Variants in GLG1 observed in about 807,000 individuals in gnomAD.
The protein encoded by GLG1 is golgi glycoprotein 1, also known as Golgi apparatus protein 1.
In GLG1, 38 loss-of-function variants were observed where a neutral mutation model predicts 160.5. That is an observed-to-expected ratio of 0.24 (90% CI 0.18 to 0.31). The LOEUF is 0.31. GLG1 is among the 10% of genes least tolerant of loss of function. The pLI, the probability that GLG1 is intolerant of heterozygous loss-of-function variation, is 1.00. For synonymous variants in GLG1, 644 were observed against 543.4 expected, an observed-to-expected ratio of 1.19 and a Z score of -2.57; for missense variants, 1,373 against 1,505.2, an observed-to-expected ratio of 0.91 and a Z score of 1.45.
intron 2 of GLG1, among the ~76,000 whole-genome samples, chr16:74,522,323 G>A (rs2017191517): frequency 6.6e-6 from 1 of 152,190 alleles, no homozygotes; most frequent in Admixed American, 6.5e-5. Context: ...CTATGCTTTA[G>A]CTAATACTGC....
At chr16:74,472,728 A>T (rs781111098) in intron 13 of GLG1, 45 of 459,876 alleles carry the variant, frequency 9.8e-5, no homozygotes, top group Non-Finnish European at 1.6e-4. Context: ...GATTTTCCCA[A>T]AATGCTAAGT....
At chr16:74,473,455 T>TTG (rs2015282342) in intron 13 of GLG1, among the ~76,000 whole-genome samples, 1 of 148,110 alleles carries the variant, frequency 6.8e-6, no homozygotes, top group Non-Finnish European at 1.5e-5. Context: ...TTTTTTTTTT[T>TTG]GAGACATAGA....
intron 25 of GLG1, 137 bp downstream of exon 25, chr16:74,456,512 C>G: frequency 1.5e-6 from 1 of 670,126 alleles, no homozygotes; most frequent in African/African-American, 1.8e-5. Flanking sequence ...AGGACAAGAC[C>G]AGTGCGATAT....
intron 1 of GLG1, among the ~76,000 whole-genome samples, chr16:74,596,204 A>G (rs1958297961): frequency 6.6e-6 from 1 of 152,124 alleles, no homozygotes; most frequent in African/African-American, 2.4e-5. Flanking sequence ...CCTGGGCAAC[A>G]GAGCGAGACT....
chr16:74,546,801 G>T (rs1364537896), intron 1 of GLG1, among the ~76,000 whole-genome samples: 2 of 118,054 alleles, frequency 1.7e-5, no homozygotes, highest in African/African-American at 6.6e-5. Flanking sequence ...TCATGCCACT[G>T]CACTCCATCC....
chr16:74,569,574 C>T (rs2018762752), intron 1 of GLG1, among the ~76,000 whole-genome samples: 1 of 152,080 alleles, frequency 6.6e-6, no homozygotes, highest in Non-Finnish European at 1.5e-5. Context: ...CATCAAAATG[C>T]AATAGTGCCA....
At chr16:74,471,415 T>C (rs1266407588) in intron 14 of GLG1, 129 bp from the exon 15 acceptor site, 18 of 649,552 alleles carry the variant, frequency 2.8e-5, no homozygotes, top group African/African-American at 5.4e-5. Context: ...ACACCATAAA[T>C]TGTAATCAAA....
At chr16:74,549,536 T>G (rs933521874) in intron 1 of GLG1, among the ~76,000 whole-genome samples, 13 of 152,232 alleles carry the variant, frequency 8.5e-5, no homozygotes, top group Non-Finnish European at 1.8e-4. Context: ...TCCGCCCGCC[T>G]CAGCTTCCCA....
Position 74,536,646 on chromosome 16 carries a change from G to A in GLG1, c.439-4493C>T, listed in dbSNP as rs1406130372. On this transcript the variant is annotated intron_variant, in intron 1 of 25. Coordinates refer to ENST00000422840, the MANE Select transcript of GLG1 (RefSeq NM_001145667.2). The stretch of plus-strand genomic sequence containing the variant: ...AGTTACATGATCCCTTGGGGGTCAG[G>A]AAGAAAATAACAGAGCTTCTGTTTT... 4.6e-5 allele frequency among the ~76,000 whole-genome samples: 7 copies of A among 152,138 alleles called. No homozygotes were observed. The South Asian group carries it at 1.5e-3, about 32-fold the overall frequency.
At chr16:74,581,845 G>A (rs1027778289) in intron 1 of GLG1, among the ~76,000 whole-genome samples, 3 of 152,184 alleles carry the variant, frequency 2.0e-5, no homozygotes, top group African/African-American at 7.2e-5. Flanking sequence ...CTGGGAGGCA[G>A]AGGTCACAGT....
chr16:74,529,055 C>T (rs1254178173), intron 2 of GLG1, among the ~76,000 whole-genome samples: 1 of 151,676 alleles, frequency 6.6e-6, no homozygotes, highest in East Asian at 2.0e-4. Flanking sequence ...CAACCTCCAC[C>T]TCCCAGATTC....
chr16:74,518,534 T>C (rs1405890834), intron 2 of GLG1, among the ~76,000 whole-genome samples: 2 of 152,148 alleles, frequency 1.3e-5, no homozygotes, highest in African/African-American at 4.8e-5. Flanking sequence ...CCTTACACCT[T>C]ATACAAAAAT....
At chr16:74,505,364 T>C (rs1432339180) in intron 3 of GLG1, among the ~76,000 whole-genome samples, 1 of 152,230 alleles carries the variant, frequency 6.6e-6, no homozygotes, top group East Asian at 1.9e-4. Flanking sequence ...GCAGAGATTT[T>C]CAACAGTCAA....
At chr16:74,454,326 C>A (rs570057545) in intron 25 of GLG1, among the ~76,000 whole-genome samples, 1 of 152,118 alleles carries the variant, frequency 6.6e-6, no homozygotes, top group South Asian at 2.1e-4. Context: ...CTACCTCAGC[C>A]TCCTGAGTAG....
At chr16:74,463,948 G>A (rs574547951) in intron 19 of GLG1, 3 of 178,926 alleles carry the variant, frequency 1.7e-5, no homozygotes, top group Non-Finnish European at 2.4e-5. Flanking sequence ...GTAAGTAGCT[G>A]TGATCAATTA....
chr16:74,482,484 T>C (rs897818410), intron 10 of GLG1, among the ~76,000 whole-genome samples: 1 of 152,142 alleles, frequency 6.6e-6, no homozygotes, highest in Non-Finnish European at 1.5e-5. Flanking sequence ...TGATTCTGGC[T>C]GTAATACGGA....
At chr16:74,513,119 T>C (rs1301071231) in intron 2 of GLG1, among the ~76,000 whole-genome samples, 1 of 152,126 alleles carries the variant, frequency 6.6e-6, no homozygotes, top group Admixed American at 6.5e-5. Flanking sequence ...TTGAATTTTA[T>C]CTTAAAGGAA....
At position 74,491,055 on chromosome 16, in the gene GLG1, C is replaced by T. The variant is rs753185233; in HGVS notation, c.1395G>A (p.Leu465=). The T allele has an allele frequency of 9.9e-6, 16 of 1,614,188 alleles. 1 individual carries two copies. Among genetic ancestry groups the T allele is most frequent in the Middle Eastern group, 3.3e-4 (2 of 6,062 alleles). Residue 465 remains leucine, a synonymous_variant, in exon 8 of 26, where the codon CTG becomes CTA. Coordinates refer to ENST00000422840, the MANE Select transcript of GLG1 (RefSeq NM_001145667.2). ...LHRKGRTLHC[L]MKVVRGEKGN... ...CCTTCTCCCCTCGAACTACTTTCAT[C>T]AGACAGTGTAGGGTCCGCCCTTTTC...
intron 1 of GLG1, among the ~76,000 whole-genome samples, chr16:74,572,238 C>T (rs772248222): frequency 1.4e-4 from 21 of 152,074 alleles, no homozygotes; most frequent in Non-Finnish European, 2.4e-4. Context: ...GGGCTGGGCA[C>T]GGTGGCTCGC....
Sources: gnomAD v4.1 joint callset for allele counts (sites outside exome capture counted in the v4.1 genomes callset) on GRCh38, gnomAD v4.1.1 for gene constraint, MANE v1.5 for transcripts, NCBI Gene and HGNC (gene_info 2026-07-23, HGNC 2026-07-21) for gene names.